Variants in ELMOD2 observed in about 807,000 individuals in gnomAD.
The protein encoded by ELMOD2 is ELMO domain-containing protein 2.
ELMOD2 carries 28 observed loss-of-function variants against 41.0 expected under a neutral mutation model. That is an observed-to-expected ratio of 0.68 (90% CI 0.51 to 0.94). The LOEUF is 0.94. Ranked by LOEUF, ELMOD2 falls within the 40% of genes least tolerant of loss-of-function variation. The pLI is 0.00. For missense variants in ELMOD2, 333 were observed against 343.1 expected, an observed-to-expected ratio of 0.97 and a Z score of 0.23; for synonymous variants, 106 against 107.2, an observed-to-expected ratio of 0.99 and a Z score of 0.07.
chr4:140,525,338 T>G, intron 1 of ELMOD2, 82 bp from the exon 2 acceptor site: 4 of 1,342,974 alleles, frequency 3.0e-6, no homozygotes, highest in Non-Finnish European at 4.0e-6. Context: ...TAATTTGAGA[T>G]TTGATCAGTT....
intron 6 of ELMOD2, among the ~76,000 whole-genome samples, chr4:140,541,594 A>G (rs1735106454): frequency 6.6e-6 from 1 of 152,030 alleles, no homozygotes; most frequent in Non-Finnish European, 1.5e-5. Context: ...TTTTAAAACT[A>G]TTTTGGTGTT....
At position 140,545,943 on chromosome 4, in the gene ELMOD2, C is replaced by T. The variant is rs887832080; in HGVS notation, c.736+2357C>T. ...GACAGTGTGGTGATTCCTCAGGGAT[C>T]TAGAACTAGAAATACCACTTGACCC... is the stretch of plus-strand genomic sequence containing the variant. On this transcript the variant is annotated intron_variant, in intron 8 of 8. Transcript: ENST00000323570. Among the ~76,000 whole-genome samples the T allele has an allele frequency of 2.0e-5, 3 of 152,088 alleles. No homozygotes were observed. In the South Asian group the frequency reaches 6.2e-4, roughly 31 times the overall value.
At chr4:140,533,704 G>C (rs1413185705) in intron 3 of ELMOD2, among the ~76,000 whole-genome samples, 5 of 152,064 alleles carry the variant, frequency 3.3e-5, no homozygotes, top group African/African-American at 1.2e-4. Flanking sequence ...TGTATTTGCA[G>C]CATATGTATC....
In ELMOD2 at chr4:140,542,715, G is replaced by A; in HGVS notation, c.602+73G>A. 3.8e-6 allele frequency: 4 copies of A among 1,044,106 alleles called. No homozygotes were observed. In the South Asian group the frequency reaches 5.3e-5, roughly 14 times the overall value. The allele number at this position is 1,044,106 out of a possible 1,614,324, so 64.7% of individuals were successfully genotyped here. A position where few individuals can be genotyped will look rare whatever the true frequency, so the allele number is the denominator to read the frequency against. ...ATTAGATGATTTAATGAATTTGAAG[G>A]TATATCAAGGTATTTCTTAAAATAA... On this transcript the variant is annotated intron_variant, in intron 7 of 8. Coordinates refer to ENST00000323570, the MANE Select transcript of ELMOD2 (RefSeq NM_153702.4).
At chr4:140,548,332 G>A (rs1164887937) in intron 8 of ELMOD2, among the ~76,000 whole-genome samples, 4 of 152,132 alleles carry the variant, frequency 2.6e-5, no homozygotes. Context: ...ATCCCTAACA[G>A]TGTATGGGGG....
At chr4:140,531,724 T>A (rs946264268) in intron 3 of ELMOD2, among the ~76,000 whole-genome samples, 7 of 152,222 alleles carry the variant, frequency 4.6e-5, no homozygotes, top group Non-Finnish European at 7.3e-5. Context: ...ATTCAAAGTA[T>A]AATAAGGGGA....
In ELMOD2 at chr4:140,524,442, G is replaced by A. The variant is rs913370908; in HGVS notation, c.-10+162G>A. 1.4e-5 allele frequency: 4 copies of A among 284,532 alleles called. No homozygotes were observed. The Admixed American group carries it at 1.9e-4, about 14-fold the overall frequency. 17.6% of individuals were successfully genotyped at this position (284,532 alleles called of 1,614,324 possible). ...CCTCCCATTCGCGGGCGGCGCGCGA[G>A]GGGGGTCGGCGCAGAGACGCCCAGA... On this transcript the variant is annotated intron_variant, in intron 1 of 8. Transcript: ENST00000323570.
At chr4:140,524,383 CG>C (rs1560820837) in intron 1 of ELMOD2, 103 bp downstream of exon 1, 1 of 158,520 alleles carries the variant, frequency 6.3e-6, no homozygotes, top group East Asian at 1.9e-4. Context: ...AACCCGGGGG[CG>C]CCTGGGCCGG....
intron 1 of ELMOD2, chr4:140,524,632 G>T: frequency 5.1e-6 from 5 of 985,466 alleles, no homozygotes; most frequent in Non-Finnish European, 6.0e-6. Context: ...TTCGAACTTC[G>T]ACAGTCCCTC....
chr4:140,549,921 A>T (rs2110889129), intron 8 of ELMOD2, among the ~76,000 whole-genome samples: 1 of 152,024 alleles, frequency 6.6e-6, no homozygotes, highest in Admixed American at 6.6e-5. Flanking sequence ...TCCTGGCCTC[A>T]AGCGATCTGC....
intron 8 of ELMOD2, among the ~76,000 whole-genome samples, chr4:140,549,755 G>A (rs1038473167): frequency 3.1e-5 from 4 of 127,346 alleles, no homozygotes; most frequent in Admixed American, 1.0e-4. Flanking sequence ...GTACAATCAC[G>A]GCTCACTGAA....
chr4:140,548,276 T>G (rs1473809148), intron 8 of ELMOD2, among the ~76,000 whole-genome samples: 3 of 152,166 alleles, frequency 2.0e-5, no homozygotes, highest in Admixed American at 2.0e-4. Context: ...GCTATCTGCC[T>G]TATCATACTA....
At chr4:140,538,862 A>G (rs1484975312) in intron 5 of ELMOD2, among the ~76,000 whole-genome samples, 1 of 152,224 alleles carries the variant, frequency 6.6e-6, no homozygotes, top group Admixed American at 6.5e-5. Flanking sequence ...TAGAATTTCC[A>G]GGAATGGAAC....
At chr4:140,544,584 A>G (rs529200725) in intron 8 of ELMOD2, among the ~76,000 whole-genome samples, 2 of 152,246 alleles carry the variant, frequency 1.3e-5, no homozygotes, top group Admixed American at 6.5e-5. Context: ...AAGGATTCCC[A>G]TTATAAGGCC....
At chr4:140,535,617 C>T in intron 3 of ELMOD2, 116 bp from the exon 4 acceptor site, 1 of 835,698 alleles carries the variant, frequency 1.2e-6, no homozygotes, top group South Asian at 1.6e-5. Context: ...TTGAAACAAA[C>T]TGGGTTTATT....
chr4:140,524,342 CG>C (rs1407308050), intron 1 of ELMOD2, 62 bp downstream of exon 1: 2 of 152,160 alleles, frequency 1.3e-5, no homozygotes, highest in Non-Finnish European at 2.9e-5. Flanking sequence ...TGAGAGCGCG[CG>C]GGCTCGCGAG....
chr4:140,532,407 TC>T lies in ELMOD2; in HGVS notation c.172-3324del, dbSNP rs533364931. ...GTCTCAAACTCCTGACATCAGGTGA[TC>T]CACCCATCTCTGCCTCTTGAAGTGC... On this transcript the variant is annotated intron_variant, in intron 3 of 8. Coordinates refer to ENST00000323570, the MANE Select transcript of ELMOD2 (RefSeq NM_153702.4). 4.8e-4 allele frequency among the ~76,000 whole-genome samples: 73 copies of T among 152,250 alleles called. 2 individuals carry two copies. In the South Asian group the frequency reaches 0.011, roughly 22 times the overall value.
At chr4:140,524,314 G>C (rs1413797328) in intron 1 of ELMOD2, 34 bp downstream of exon 1, 1 of 152,164 alleles carries the variant, frequency 6.6e-6, no homozygotes. Flanking sequence ...TGCCCCGGAT[G>C]CCTCGGTGCG....
At chr4:140,549,996 A>C (rs1735419672) in intron 8 of ELMOD2, among the ~76,000 whole-genome samples, 1 of 152,170 alleles carries the variant, frequency 6.6e-6, no homozygotes, top group South Asian at 2.1e-4. Flanking sequence ...TGAAAGTACT[A>C]TATCTTTTAA....
Sources: gnomAD v4.1 joint callset for allele counts (sites outside exome capture counted in the v4.1 genomes callset) on GRCh38, gnomAD v4.1.1 for gene constraint, MANE v1.5 for transcripts, NCBI Gene and HGNC (gene_info 2026-07-23, HGNC 2026-07-21) for gene names.